TRMT44: variants seen among roughly 807,000 people sequenced by gnomAD.
TRMT44 encodes the protein probable tRNA (uracil-O(2)-)-methyltransferase.
A neutral mutation model predicts 77.3 loss-of-function variants in TRMT44; 78 were observed. The ratio of observed to expected loss-of-function variants is 1.01; its 90% confidence interval spans 0.84 to 1.22. TRMT44 has a LOEUF of 1.22. Among genes scored for constraint, TRMT44 ranks in the 50% most tolerant of loss-of-function variants. TRMT44 has a pLI of 0.00. For synonymous variants in TRMT44, 391 were observed against 383.3 expected, an observed-to-expected ratio of 1.02 and a Z score of -0.23; for missense variants, 1,090 against 964.4, an observed-to-expected ratio of 1.13 and a Z score of -1.73.
At chr4:8,510,009 T>A in the TRMT44 span, among the ~76,000 whole-genome samples, 177 of 152,156 alleles carry the variant, frequency 1.2e-3, 3 homozygotes, top group African/African-American at 4.1e-3. Context: ...ATAGGGAGAA[T>A]GAGTACCTGT....
chr4:8,508,247 G>T, the TRMT44 span, among the ~76,000 whole-genome samples: 3 of 152,216 alleles, frequency 2.0e-5, no homozygotes, highest in African/African-American at 7.2e-5. Flanking sequence ...TCTGTGTGGG[G>T]TCCTGAGGCA....
chr4:8,497,271 G>A (rs531396701), downstream of TRMT44, among the ~76,000 whole-genome samples: 5 of 151,992 alleles, frequency 3.3e-5, no homozygotes, highest in East Asian at 1.9e-4. Context: ...CTTGTTTTTC[G>A]TTTGATGCAG....
downstream of TRMT44, among the ~76,000 whole-genome samples, chr4:8,498,322 TCTC>T (rs1728209272): frequency 2.0e-5 from 3 of 152,094 alleles, no homozygotes; most frequent in African/African-American, 7.2e-5. This position sits in a 1 kb window ranked among gnomAD's most constrained non-coding sequence, Gnocchi z 4.3. Flanking sequence ...GTAGGGGTGT[TCTC>T]CTGTATTCGT....
Position 8,441,105 on chromosome 4 carries a change from A to G in TRMT44, c.283A>G (p.Thr95Ala). 6.6e-7 allele frequency: 1 copy of G among 1,515,734 alleles called. No individual in the cohort carries two copies. The highest frequency in any genetic ancestry group is 8.8e-7 in the Non-Finnish European group (1 of 1,134,942). The allele number at this position is 1,515,734 out of a possible 1,614,324, so 93.9% of individuals were successfully genotyped here. ...GTCGCTATCAGGACCCGAGCAGGGC[A>G]CGGCATGTTGCGAACTTGAGGAGGC... ...PRSLSGPEQGTACCELEEAQG... is the reference protein window; with the variant it reads ...PRSLSGPEQGAACCELEEAQG... Residue 95 changes from threonine to alanine, a missense_variant, in exon 1 of 11, where the codon ACG (threonine) becomes GCG (alanine). Physicochemically the swap from Thr to Ala is moderately conservative, Grantham distance 58. Transcript: ENST00000389737.
At chr4:8,513,247 G>A in the TRMT44 span, among the ~76,000 whole-genome samples, 143 of 152,332 alleles carry the variant, frequency 9.4e-4, no homozygotes, top group Admixed American at 2.2e-3. Context: ...CATGGCAGAA[G>A]GCAAGGAAGA....
chr4:8,451,844 C>T lies in TRMT44; in HGVS notation c.955-116C>T. ...ATTCCTGCCTTTGAGCTTATGTTTC[C>T]TATTTTAGTGTACGATTAGTCCAGT... is the stretch of plus-strand genomic sequence containing the variant. On this transcript the variant is annotated intron_variant, in intron 3 of 10. Transcript: ENST00000389737. This position sits in a 1 kb window ranked among gnomAD's most constrained non-coding sequence, Gnocchi z 4.1. The T allele has an allele frequency of 1.1e-6, 1 of 894,450 alleles. No individual in the cohort carries two copies. The highest frequency in any genetic ancestry group is 1.7e-6 in the Non-Finnish European group (1 of 573,152). 55.4% of individuals were successfully genotyped at this position (894,450 alleles called of 1,614,324 possible).
intron 6 of TRMT44, chr4:8,455,069 C>T (rs1379819950): frequency 1.3e-5 from 7 of 540,712 alleles, no homozygotes; most frequent in South Asian, 5.1e-5. Flanking sequence ...TTGTTGGTGC[C>T]GTTTGTATCT....
At position 8,446,398 on chromosome 4, in the gene TRMT44, T is replaced by A. The variant is rs895315080; in HGVS notation, c.620-78T>A. On this transcript the variant is annotated intron_variant, in intron 1 of 10. Coordinates refer to ENST00000389737, the MANE Select transcript of TRMT44 (RefSeq NM_152544.3). This position sits in a 1 kb window ranked among gnomAD's most constrained non-coding sequence, Gnocchi z 4.3. ...GATTGAAAGCATCGTGCTTGACTCA[T>A]CCCTATTTTTAATACTGCTTCTGAT... 1 of 889,882 alleles carries A rather than the reference T, an allele frequency of 1.1e-6. No homozygotes were observed. Among genetic ancestry groups the A allele is most frequent in the Non-Finnish European group, 1.8e-6 (1 of 568,888 alleles). The allele number at this position is 889,882 out of a possible 1,614,324, so 55.1% of individuals were successfully genotyped here.
intron 5 of TRMT44, chr4:8,454,407 A>C (rs73211401): frequency 0.02 from 5,853 of 285,606 alleles, 135 homozygotes; most frequent in African/African-American, 0.07. Context: ...GCACTGTAAC[A>C]ACCATTCCAA....
At chr4:8,486,407 C>T (rs1183758404) in intron 2 of TRMT44, among the ~76,000 whole-genome samples, 1 of 152,146 alleles carries the variant, frequency 6.6e-6, no homozygotes, top group Non-Finnish European at 1.5e-5. Context: ...TTATTGTACA[C>T]CTTGAAGGCG....
intron 7 of TRMT44, among the ~76,000 whole-genome samples, chr4:8,464,609 G>A (rs1726398502): frequency 6.6e-6 from 1 of 152,206 alleles, no homozygotes; most frequent in Admixed American, 6.5e-5. Context: ...ATTCTTCTGA[G>A]CTGTTTTCAT....
chr4:8,496,069 G>T (rs1342561853), downstream of TRMT44, among the ~76,000 whole-genome samples: 1 of 152,164 alleles, frequency 6.6e-6, no homozygotes, highest in African/African-American at 2.4e-5. Context: ...ACCTTCATTT[G>T]CATAGAGTGA....
chr4:8,477,167 T>A (rs1217638663), downstream of TRMT44: 1 of 152,280 alleles, frequency 6.6e-6, no homozygotes, highest in East Asian at 1.9e-4. Context: ...TCTGCCTGAT[T>A]ATTGGCAGCA....
At position 8,466,293 on chromosome 4, in the gene TRMT44, C is replaced by T. The variant is rs891930280; in HGVS notation, c.1494+732C>T. 3.3e-4 allele frequency among the ~76,000 whole-genome samples: 51 copies of T among 152,366 alleles called. 1 individual carries two copies. Among genetic ancestry groups the T allele is most frequent in the South Asian group, 6.2e-4 (3 of 4,832 alleles). On this transcript the variant is annotated intron_variant, in intron 8 of 10. Transcript: ENST00000389737. ...GGCCCAGCTGATCTGAGTGAAGCCT[C>T]GGCTCTGCTGCTGCCCGTGGTGCAC...
chr4:8,462,198 G>T (rs1429575437), intron 6 of TRMT44, among the ~76,000 whole-genome samples: 1 of 149,366 alleles, frequency 6.7e-6, no homozygotes, highest in Non-Finnish European at 1.5e-5. Context: ...ATCACCTGAG[G>T]TCGGGAGTTC....
intron 8 of TRMT44, 145 bp from the exon 9 acceptor site, chr4:8,467,769 G>A: frequency 1.1e-6 from 1 of 907,852 alleles, no homozygotes; most frequent in Non-Finnish European, 1.6e-6. Context: ...CACCGTACCT[G>A]GCTGGTGTCA....
In TRMT44 at chr4:8,461,396, G is replaced by T. The variant is rs1726147125; in HGVS notation, c.1204-2589G>T. ...TAATGATCAAAGCTAAAGCAGTAGT[G>T]GTGTGGTTGATTTCAAAATTCCATG... On this transcript the variant is annotated intron_variant, in intron 6 of 10. Coordinates refer to ENST00000389737, the MANE Select transcript of TRMT44 (RefSeq NM_152544.3). The surrounding 1 kb of genome is among the most constrained non-coding windows in gnomAD (Gnocchi z 4.6). Among the ~76,000 whole-genome samples the T allele has an allele frequency of 6.6e-6, 1 of 152,150 alleles. No individual in the cohort carries two copies. Among genetic ancestry groups the T allele is most frequent in the African/African-American group, 2.4e-5 (1 of 41,432 alleles).
downstream of TRMT44, among the ~76,000 whole-genome samples, chr4:8,495,457 C>G (rs1180272747): frequency 2.0e-5 from 3 of 152,292 alleles, no homozygotes; most frequent in East Asian, 5.8e-4. Flanking sequence ...TTTTCACCCT[C>G]CAGTCATGGT....
the TRMT44 span, among the ~76,000 whole-genome samples, chr4:8,501,821 T>C: frequency 6.6e-6 from 1 of 152,280 alleles, no homozygotes; most frequent in East Asian, 1.9e-4. This position sits in a 1 kb window ranked among gnomAD's most constrained non-coding sequence, Gnocchi z 4.4. Flanking sequence ...CCCCTGTCCT[T>C]TCTGGGCCCC....
Sources: gnomAD v4.1 joint callset for allele counts (sites outside exome capture counted in the v4.1 genomes callset) on GRCh38, gnomAD v4.1.1 for gene constraint, Gnocchi (gnomAD v3.1) non-coding constraint, MANE v1.5 for transcripts, NCBI Gene and HGNC (gene_info 2026-07-23, HGNC 2026-07-21) for gene names.